Variants in ADGRV1 observed in about 807,000 individuals in gnomAD.
ADGRV1 encodes G-protein coupled receptor 98.
Under a neutral mutation model 596.2 loss-of-function variants are expected in ADGRV1, and 359 were observed. That is an observed-to-expected ratio of 0.60 (90% CI 0.55 to 0.66). ADGRV1 has a LOEUF of 0.66. Among genes scored for constraint, ADGRV1 ranks in the 30% least tolerant of loss-of-function variants. The pLI is 0.00. For synonymous variants in ADGRV1, 2,681 were observed against 2,679.2 expected, an observed-to-expected ratio of 1.00 and a Z score of -0.02; for missense variants, 7,274 against 7,575.6, an observed-to-expected ratio of 0.96 and a Z score of 1.48.
At chr5:91,074,732 T>C (rs776630653) in intron 86 of ADGRV1, among the ~76,000 whole-genome samples, 15 of 152,228 alleles carry the variant, frequency 9.9e-5, no homozygotes, top group Non-Finnish European at 1.0e-4. Flanking sequence ...TGCTTTGAGT[T>C]CTTTGAGAGA....
intron 52 of ADGRV1, 90 bp downstream of exon 52, chr5:90,745,885 TAGTTTG>T (rs921895258): frequency 9.4e-6 from 7 of 743,050 alleles, no homozygotes; most frequent in Non-Finnish European, 1.6e-5. Flanking sequence ...CAGCAAGTCA[TAGTTTG>T]AGTGTCATCA....
intron 85 of ADGRV1, among the ~76,000 whole-genome samples, chr5:91,039,342 G>T (rs1195119488): frequency 6.6e-6 from 1 of 152,170 alleles, no homozygotes. Context: ...TCTTCATGAA[G>T]TACAAAAGGA....
At chr5:91,117,652 C>A (rs1158596289) in intron 87 of ADGRV1, among the ~76,000 whole-genome samples, 7 of 152,110 alleles carry the variant, frequency 4.6e-5, no homozygotes, top group Admixed American at 4.6e-4. Flanking sequence ...CTCAGTTTTG[C>A]CTTTTACTAA....
chr5:90,560,820 AT>A (rs1437487624), intron 1 of ADGRV1, among the ~76,000 whole-genome samples: 2 of 152,174 alleles, frequency 1.3e-5, no homozygotes. Context: ...TGTAACACAA[AT>A]GGTTTTATGG....
intron 75 of ADGRV1, among the ~76,000 whole-genome samples, chr5:90,819,797 C>A (rs1012605744): frequency 6.6e-6 from 1 of 152,106 alleles, no homozygotes; most frequent in African/African-American, 2.4e-5. Flanking sequence ...GTTATAATCT[C>A]TGTTCTTTTA....
At chr5:90,600,314 C>T (rs1444628939) in intron 1 of ADGRV1, among the ~76,000 whole-genome samples, 1 of 152,156 alleles carries the variant, frequency 6.6e-6, no homozygotes, top group East Asian at 1.9e-4. Flanking sequence ...TTCCCCCCAC[C>T]TCACAACAGG....
rs201592369 is a variant in ADGRV1, at chr5:90,619,089, C to T, written c.361C>T (p.Pro121Ser). ...TFIFHLTLQKPSANVKLGWPR... is the reference protein window; with the variant it reads ...TFIFHLTLQKSSANVKLGWPR... ...TATTTTTGGGATTTTATTTTAGAAA[C>T]CTTCAGCAAATGTGAAGCTTGGATG... is the stretch of plus-strand genomic sequence containing the variant. Residue 121 changes from proline (P) to serine (S), a missense_variant, in exon 4 of 90, where the codon CCT becomes TCT. This residue lies in a region of ADGRV1 where 1,715 missense variants were observed against 1,708.8 expected (regional missense o/e 1.00). Transcript: ENST00000405460. 3.6e-6 allele frequency: 5 copies of T among 1,408,390 alleles called. No homozygotes were observed. In the African/African-American group the frequency reaches 4.4e-5, roughly 12 times the overall value. The allele number at this position is 1,408,390 out of a possible 1,614,324, so 87.2% of individuals were successfully genotyped here. A position where few individuals can be genotyped will look rare whatever the true frequency, so the allele number is the denominator to read the frequency against.
At chr5:91,083,284 C>T (rs1789574774) in intron 86 of ADGRV1, among the ~76,000 whole-genome samples, 1 of 151,898 alleles carries the variant, frequency 6.6e-6, no homozygotes, top group South Asian at 2.1e-4. Context: ...GGAGATATAC[C>T]TAATGTAAAT....
At chr5:90,570,927 C>T (rs1414981681) in intron 1 of ADGRV1, among the ~76,000 whole-genome samples, 1 of 151,994 alleles carries the variant, frequency 6.6e-6, no homozygotes, top group Admixed American at 6.6e-5. Context: ...CTGGTATGTT[C>T]TCCAGGGACA....
Position 90,762,462 on chromosome 5 carries a change from G to T in ADGRV1, c.12121-843G>T, listed in dbSNP as rs188828285. On this transcript the variant is annotated intron_variant, in intron 58 of 89. Coordinates refer to ENST00000405460, the MANE Select transcript of ADGRV1 (RefSeq NM_032119.4). ...GAAGAAAACAAAACAAGATTGTATT[G>T]CATGTTAAGCTTCTATCCGTGTTGA... The T allele has an allele frequency of 2.6e-5, 4 of 152,234 alleles. No homozygotes were observed. The East Asian group carries it at 7.7e-4, about 29-fold the overall frequency. The allele number at this position is 152,234 out of a possible 1,614,324, so 9.4% of individuals were successfully genotyped here. A position where few individuals can be genotyped will look rare whatever the true frequency, so the allele number is the denominator to read the frequency against.
At chr5:91,016,434 G>T (rs751828500) in intron 85 of ADGRV1, among the ~76,000 whole-genome samples, 2 of 151,782 alleles carry the variant, frequency 1.3e-5, no homozygotes, top group Non-Finnish European at 2.9e-5. Context: ...TCATTTACCT[G>T]GTCTCTTTTT....
At chr5:90,723,991 C>A (rs1417380599) in intron 45 of ADGRV1, among the ~76,000 whole-genome samples, 1 of 151,316 alleles carries the variant, frequency 6.6e-6, no homozygotes, top group Admixed American at 6.6e-5. Flanking sequence ...TTTGATAAAA[C>A]CTTGACAGCC....
intron 45 of ADGRV1, among the ~76,000 whole-genome samples, chr5:90,724,445 TCTCAAA>T: frequency 1.3e-5 from 2 of 152,154 alleles, no homozygotes; most frequent in South Asian, 4.2e-4. Context: ...GCCAGGCTGG[TCTCAAA>T]CTCTTGACCT....
At chr5:90,629,585 T>C in intron 9 of ADGRV1, 46 bp downstream of exon 9, 2 of 1,253,522 alleles carry the variant, frequency 1.6e-6, no homozygotes, top group Non-Finnish European at 2.2e-6. Context: ...AACCTTCAAG[T>C]GTACTAACCT....
intron 85 of ADGRV1, among the ~76,000 whole-genome samples, chr5:91,043,529 T>C (rs1439685680): frequency 6.6e-6 from 1 of 152,120 alleles, no homozygotes; most frequent in Non-Finnish European, 1.5e-5. Flanking sequence ...GTTCAAACTC[T>C]GGTTCTGCCT....
intron 52 of ADGRV1, among the ~76,000 whole-genome samples, chr5:90,748,939 T>G (rs1754950775): frequency 6.6e-6 from 1 of 151,954 alleles, no homozygotes; most frequent in Non-Finnish European, 1.5e-5. Context: ...GATGAACCTG[T>G]CATTCTGTGG....
intron 83 of ADGRV1, among the ~76,000 whole-genome samples, chr5:90,935,577 C>A (rs904041994): frequency 6.6e-6 from 1 of 152,250 alleles, no homozygotes; most frequent in South Asian, 2.1e-4. Flanking sequence ...CAGAAAAAAA[C>A]CTGTAAAAAA....
intron 87 of ADGRV1, among the ~76,000 whole-genome samples, chr5:91,102,997 G>C (rs1458577104): frequency 5.9e-5 from 9 of 152,174 alleles, no homozygotes; most frequent in Admixed American, 2.0e-4. Flanking sequence ...GAAACGATCT[G>C]TCCTAGACTA....
At chr5:90,593,532 T>C (rs1457505006) in intron 1 of ADGRV1, among the ~76,000 whole-genome samples, 2 of 152,090 alleles carry the variant, frequency 1.3e-5, no homozygotes, top group African/African-American at 4.8e-5. Context: ...CAGACCAACA[T>C]GGCACATGTA....
Sources: gnomAD v4.1 joint callset for allele counts (sites outside exome capture counted in the v4.1 genomes callset) on GRCh38, gnomAD v4.1.1 for gene constraint, gnomAD v4.1.1 regional missense constraint, MANE v1.5 for transcripts, NCBI Gene and HGNC (gene_info 2026-07-23, HGNC 2026-07-21) for gene names.